Variants in MAP2 observed in about 807,000 individuals in gnomAD.
MAP2 encodes microtubule-associated protein 2.
MAP2 carries 14 observed loss-of-function variants against 137.6 expected under a neutral mutation model. The observed-to-expected ratio is 0.10, with a 90% confidence interval of 0.07 to 0.16. MAP2 has a LOEUF of 0.16. Among genes scored for constraint, MAP2 ranks in the 10% least tolerant of loss-of-function variants. The pLI is 1.00. For synonymous variants in MAP2, 786 were observed against 782.3 expected (o/e 1.00, Z -0.08); for missense variants, 2,088 against 2,191.5 (o/e 0.95, Z 0.94).
At chr2:209,487,572 G>T (rs978252343) in intron 1 of MAP2, among the ~76,000 whole-genome samples, 3 of 152,178 alleles carry the variant, frequency 2.0e-5, no homozygotes, top group Non-Finnish European at 4.4e-5. Flanking sequence ...GAGTATTAAT[G>T]AGAAGATGTT....
At chr2:209,505,185 C>G (rs776410518) in intron 1 of MAP2, among the ~76,000 whole-genome samples, 8 of 151,998 alleles carry the variant, frequency 5.3e-5, no homozygotes, top group South Asian at 2.1e-4. Flanking sequence ...TTATGGCACC[C>G]TTAGTATCTC....
chr2:209,665,695 T>A (rs2046000936), intron 5 of MAP2, among the ~76,000 whole-genome samples: 1 of 152,202 alleles, frequency 6.6e-6, no homozygotes, highest in African/African-American at 2.4e-5. Flanking sequence ...ATAAAATTAT[T>A]TGCAAATGAG....
intron 11 of MAP2, among the ~76,000 whole-genome samples, chr2:209,702,394 C>T (rs551398969): frequency 1.3e-4 from 20 of 151,932 alleles, no homozygotes; most frequent in South Asian, 8.3e-4. Context: ...TCTAAAACCC[C>T]GAGTAACTTT....
At chr2:209,696,505 T>A in intron 8 of MAP2, 37 bp from the exon 9 acceptor site, 1 of 1,498,340 alleles carries the variant, frequency 6.7e-7, no homozygotes, top group Non-Finnish European at 9.1e-7. Context: ...ATGTTTTCAC[T>A]GTTGTTGTTG....
chr2:209,652,570 T>C (rs1453060007), intron 4 of MAP2, among the ~76,000 whole-genome samples: 2 of 152,240 alleles, frequency 1.3e-5, no homozygotes. Context: ...TCGGCTTTAA[T>C]TGAACACCCT....
At chr2:209,653,061 C>A in intron 4 of MAP2, 81 bp from the exon 5 acceptor site, 1 of 1,131,616 alleles carries the variant, frequency 8.8e-7, no homozygotes, top group Non-Finnish European at 1.2e-6. Flanking sequence ...CGGTTTGCTA[C>A]AAATTTTTCC....
intron 2 of MAP2, among the ~76,000 whole-genome samples, chr2:209,533,351 G>T (rs1175548103): frequency 6.6e-6 from 1 of 152,028 alleles, no homozygotes; most frequent in Non-Finnish European, 1.5e-5. Flanking sequence ...CACCCTGTTG[G>T]CCAGGCTGGT....
chr2:209,650,825 A>G (rs553292315), intron 4 of MAP2, among the ~76,000 whole-genome samples: 2 of 152,276 alleles, frequency 1.3e-5, no homozygotes, highest in South Asian at 4.1e-4. Context: ...AAGCCTGTTA[A>G]CTCAGAAAAA....
At chr2:209,607,655 G>A (rs1354918733) in intron 3 of MAP2, among the ~76,000 whole-genome samples, 1 of 152,104 alleles carries the variant, frequency 6.6e-6, no homozygotes, top group African/African-American at 2.4e-5. Flanking sequence ...GGCTGATCTC[G>A]AACTCCTGAC....
chr2:209,429,171 T>A (rs1425879423), intron 1 of MAP2, among the ~76,000 whole-genome samples: 2 of 152,020 alleles, frequency 1.3e-5, no homozygotes, highest in Non-Finnish European at 2.9e-5. Flanking sequence ...GCCAGGATGA[T>A]CTCGATCTCC....
At chr2:209,661,235 A>G (rs1390468937) in intron 5 of MAP2, among the ~76,000 whole-genome samples, 1 of 152,150 alleles carries the variant, frequency 6.6e-6, no homozygotes, top group Non-Finnish European at 1.5e-5. Flanking sequence ...CGATTTACTA[A>G]TAGGAGTCAG....
intron 1 of MAP2, among the ~76,000 whole-genome samples, chr2:209,496,821 A>G (rs2059804249): frequency 6.6e-6 from 1 of 152,036 alleles, no homozygotes; most frequent in Non-Finnish European, 1.5e-5. Flanking sequence ...TGTGTGTGAG[A>G]CAGGGACTCT....
chr2:209,623,809 ATAGTT>A lies in MAP2; in HGVS notation c.-106-1243_-106-1239del, dbSNP rs550637074. On this transcript the variant is annotated intron_variant, in intron 3 of 15. Transcript: ENST00000682079. ...GGACGGTCAGACCTTTCTTTTTAAA[ATAGTT>A]ATCAAATTATTACAGGGAATGGAGA... 1.6e-3 allele frequency among the ~76,000 whole-genome samples: 250 copies of A among 152,296 alleles called. 1 individual carries two copies. The highest frequency in any genetic ancestry group is 0.014 in the Middle Eastern group (4 of 294).
At chr2:209,528,854 G>A (rs2064591549) in intron 2 of MAP2, among the ~76,000 whole-genome samples, 4 of 144,684 alleles carry the variant, frequency 2.8e-5, no homozygotes, top group African/African-American at 1.0e-4. Context: ...ATATGTGTGT[G>A]TGTATATGTG....
At chr2:209,612,242 C>A (rs1205535168) in intron 3 of MAP2, among the ~76,000 whole-genome samples, 1 of 152,040 alleles carries the variant, frequency 6.6e-6, no homozygotes, top group African/African-American at 2.4e-5. Context: ...ATAATGTGGT[C>A]TATTCATAAA....
At chr2:209,513,396 T>G (rs552857139) in intron 2 of MAP2, among the ~76,000 whole-genome samples, 38 of 152,290 alleles carry the variant, frequency 2.5e-4, no homozygotes, top group Admixed American at 1.6e-3. Context: ...TTTACACTTA[T>G]GCGTGCTGTC....
chr2:209,464,445 A>G (rs1465806828), intron 1 of MAP2, among the ~76,000 whole-genome samples: 1 of 152,134 alleles, frequency 6.6e-6, no homozygotes, highest in East Asian at 1.9e-4. Context: ...AGAATAAATT[A>G]TTGCAGTCAG....
chr2:209,515,203 T>C (rs545567671), intron 2 of MAP2, among the ~76,000 whole-genome samples: 3 of 152,184 alleles, frequency 2.0e-5, no homozygotes, highest in Non-Finnish European at 4.4e-5. Context: ...GAATGCATTA[T>C]ATGAGTACAT....
chr2:209,630,949 CT>C lies in MAP2; in HGVS notation c.-30+5821del, dbSNP rs748177250. ...AGCCCTTAAAAGTCTTATTCAAGCTCTCCTTGTCCCTTGAGCTAGAAAGTAG... is the reference window on the plus strand; with the variant it reads ...AGCCCTTAAAAGTCTTATTCAAGCTCCCTTGTCCCTTGAGCTAGAAAGTAG... On this transcript the variant is annotated intron_variant, in intron 4 of 15. Coordinates refer to ENST00000682079, the MANE Select transcript of MAP2 (RefSeq NM_001375505.1). Among the ~76,000 whole-genome samples the C allele has an allele frequency of 5.8e-5, 8 of 136,902 alleles. No individual in the cohort carries two copies. In the East Asian group the frequency reaches 1.8e-3, roughly 30 times the overall value. The allele number at this position is 136,902 out of a possible 152,430, so 89.8% of individuals were successfully genotyped here.
Sources: allele counts gnomAD v4.1 joint callset (sites outside exome capture counted in the v4.1 genomes callset), GRCh38; gene constraint gnomAD v4.1.1; transcripts MANE v1.5; gene names NCBI Gene and HGNC (gene_info 2026-07-23, HGNC 2026-07-21).